TMEM132D: variants seen among roughly 807,000 people sequenced by gnomAD.
TMEM132D encodes mature OL transmembrane protein.
TMEM132D carries 21 observed loss-of-function variants against 62.3 expected under a neutral mutation model. The observed-to-expected ratio is 0.34, with a 90% CI of 0.24 to 0.49. TMEM132D has a LOEUF of 0.49. TMEM132D is among the 20% of genes least tolerant of loss of function. The pLI, the probability that TMEM132D is intolerant of heterozygous loss-of-function variation, is 0.99. For missense variants in TMEM132D, 1,346 were observed against 1,402.8 expected, an observed-to-expected ratio of 0.96 and a Z score of 0.65; for synonymous variants, 621 against 575.6, an observed-to-expected ratio of 1.08 and a Z score of -1.13.
At chr12:129,453,882 G>C (rs978920952) in intron 3 of TMEM132D, among the ~76,000 whole-genome samples, 8 of 152,134 alleles carry the variant, frequency 5.3e-5, no homozygotes, top group African/African-American at 1.9e-4. Flanking sequence ...TGTTCTGTTT[G>C]GTGTCACCTT....
At chr12:129,225,195 T>C (rs1312861296) in intron 4 of TMEM132D, among the ~76,000 whole-genome samples, 2 of 152,198 alleles carry the variant, frequency 1.3e-5, no homozygotes, top group Non-Finnish European at 2.9e-5. Context: ...AAGGATTTCA[T>C]ACATGAAAGG....
intron 2 of TMEM132D, among the ~76,000 whole-genome samples, chr12:129,592,866 G>A (rs1878232624): frequency 6.6e-6 from 1 of 152,162 alleles, no homozygotes; most frequent in South Asian, 2.1e-4. Context: ...GGAAGACACA[G>A]GAAAGAGGAC....
intron 8 of TMEM132D, among the ~76,000 whole-genome samples, chr12:129,076,280 T>TGA (rs903047294): frequency 6.6e-6 from 1 of 152,050 alleles, no homozygotes; most frequent in Admixed American, 6.6e-5. Context: ...AAAACACAGG[T>TGA]GAGAGAGAGA....
At chr12:129,735,276 G>C (rs765064153) in intron 1 of TMEM132D, among the ~76,000 whole-genome samples, 9 of 152,132 alleles carry the variant, frequency 5.9e-5, no homozygotes, top group Non-Finnish European at 1.3e-4. Flanking sequence ...CACCTGTCCT[G>C]CTCAACATTT....
chr12:129,107,154 A>G (rs1481027613), intron 5 of TMEM132D, among the ~76,000 whole-genome samples: 1 of 152,220 alleles, frequency 6.6e-6, no homozygotes, highest in Non-Finnish European at 1.5e-5. Flanking sequence ...TCTAATAGGA[A>G]AGATGAAATG....
chr12:129,628,757 TCATCTTCCCATGAC>T (rs1879282880), intron 2 of TMEM132D, among the ~76,000 whole-genome samples: 1 of 152,136 alleles, frequency 6.6e-6, no homozygotes, highest in South Asian at 2.1e-4. Context: ...TCTCCCTCTC[TCATCTTCCCATGAC>T]CATCTTCCTA....
intron 1 of TMEM132D, among the ~76,000 whole-genome samples, chr12:129,795,699 T>A (rs895818754): frequency 3.9e-5 from 6 of 152,202 alleles, no homozygotes; most frequent in African/African-American, 1.4e-4. Flanking sequence ...AAAATGTATG[T>A]TGGGTTTTAT....
chr12:129,074,440 C>A lies in TMEM132D; in HGVS notation c.2735G>T (p.Gly912Val), dbSNP rs769295582. ...CATCCCAATTTCTAAGTCGCTCAGC[C>A]CTTTGGATGCCTGCATAAGGTCATT... ...DGNDLMQASK[G>V]LSDLEIGMYA... is the part of the protein sequence containing the mutation. The change falls in exon 9 of 9, where the codon GGG becomes GTG. Residue 912 changes from glycine to valine, a missense_variant. Physicochemically the swap from Gly to Val is moderately radical, Grantham distance 109. Transcript: ENST00000422113. The A allele has an allele frequency of 1.9e-6, 3 of 1,614,110 alleles. No individual in the cohort carries two copies. In the South Asian group the frequency reaches 3.3e-5, roughly 18 times the overall value.
At chr12:129,738,296 T>C (rs568212530) in intron 1 of TMEM132D, among the ~76,000 whole-genome samples, 28 of 148,980 alleles carry the variant, frequency 1.9e-4, no homozygotes, top group Non-Finnish European at 3.0e-4. Context: ...ATACATAGAG[T>C]GGACTCTGTT....
At chr12:129,203,679 T>C (rs2398452) in intron 5 of TMEM132D, among the ~76,000 whole-genome samples, 92,885 of 152,146 alleles carry the variant, frequency 0.61, 28,914 homozygotes, top group Middle Eastern at 0.69. Flanking sequence ...CTCTCTTGCC[T>C]CCCATAGCCA....
intron 1 of TMEM132D, among the ~76,000 whole-genome samples, chr12:129,763,500 T>G (rs1308526161): frequency 1.3e-5 from 2 of 150,720 alleles, no homozygotes; most frequent in Admixed American, 1.3e-4. Context: ...CGCCAATAAT[T>G]GACTGATACT....
intron 5 of TMEM132D, among the ~76,000 whole-genome samples, chr12:129,177,369 C>T (rs997663062): frequency 2.6e-5 from 4 of 152,136 alleles, no homozygotes; most frequent in African/African-American, 9.7e-5. Flanking sequence ...TAAACAATCA[C>T]TGAAATAAAT....
chr12:129,245,684 C>G (rs1880081448), intron 4 of TMEM132D, among the ~76,000 whole-genome samples: 1 of 151,942 alleles, frequency 6.6e-6, no homozygotes, highest in South Asian at 2.1e-4. Flanking sequence ...GTGAGAGTGG[C>G]CAGCAGGGCA....
chr12:129,668,101 G>A (rs1383458475), intron 2 of TMEM132D, among the ~76,000 whole-genome samples: 2 of 151,246 alleles, frequency 1.3e-5, no homozygotes. Flanking sequence ...CATTAGAATA[G>A]AGGAAAAACT....
chr12:129,658,208 T>C (rs901143772), intron 2 of TMEM132D, among the ~76,000 whole-genome samples: 2 of 152,168 alleles, frequency 1.3e-5, no homozygotes, highest in African/African-American at 4.8e-5. Context: ...GCATCAGTAA[T>C]CCAGTAAACC....
intron 4 of TMEM132D, among the ~76,000 whole-genome samples, chr12:129,257,204 C>CTTTTTT (rs10609616): frequency 3.3e-5 from 4 of 122,632 alleles, no homozygotes; most frequent in African/African-American, 6.3e-5. Context: ...CTGTTTCTTT[C>CTTTTTT]TTTTTTTTTT....
At chr12:129,460,574 T>C (rs1220298533) in intron 3 of TMEM132D, among the ~76,000 whole-genome samples, 1 of 152,182 alleles carries the variant, frequency 6.6e-6, no homozygotes, top group Non-Finnish European at 1.5e-5. Context: ...GAGACTGCAG[T>C]AGATTAAATT....
rs141556394 is a variant in TMEM132D, at chr12:129,867,667, T to A, written c.79+35594A>T. 2.8e-3 allele frequency among the ~76,000 whole-genome samples: 433 copies of A among 152,332 alleles called. 7 individuals are homozygous for A. Among genetic ancestry groups the A allele is most frequent in the African/African-American group, 0.01 (420 of 41,582 alleles). ...GTAGAAAGGGATAATGTGAACTAGCTTGACCGTGGTGACAATTTCACAATG... is the reference window on the plus strand; with the variant it reads ...GTAGAAAGGGATAATGTGAACTAGCATGACCGTGGTGACAATTTCACAATG... On this transcript the variant is annotated intron_variant, in intron 1 of 8. Transcript: ENST00000422113. The surrounding 1 kb of genome is among the most constrained non-coding windows in gnomAD (Gnocchi z 4.5).
At chr12:129,828,804 A>AGGGAGGGAGGGAGGG (rs1872743169) in intron 1 of TMEM132D, among the ~76,000 whole-genome samples, 1 of 85,366 alleles carries the variant, frequency 1.2e-5, no homozygotes, top group Non-Finnish European at 2.4e-5. Flanking sequence ...GGGAGGGAGG[A>AGGGAGGGAGGGAGGG]AAGGAAGGGA....
Sources: gnomAD v4.1 joint callset for allele counts (sites outside exome capture counted in the v4.1 genomes callset) on GRCh38, gnomAD v4.1.1 for gene constraint, Gnocchi (gnomAD v3.1) non-coding constraint, MANE v1.5 for transcripts, NCBI Gene and HGNC (gene_info 2026-07-23, HGNC 2026-07-21) for gene names.